PPM1L: variants seen among roughly 807,000 people sequenced by gnomAD.
PPM1L encodes the protein protein phosphatase 1L.
PPM1L carries 13 observed loss-of-function variants against 31.4 expected under a neutral mutation model. The observed-to-expected ratio is 0.41, with a 90% CI of 0.27 to 0.66. The LOEUF (loss-of-function observed/expected upper bound fraction) is 0.66. PPM1L is among the 30% of genes least tolerant of loss of function. The pLI is 0.29. For synonymous variants in PPM1L, 184 were observed against 175.4 expected, an observed-to-expected ratio of 1.05 and a Z score of -0.39; for missense variants, 326 against 453.7, an observed-to-expected ratio of 0.72 and a Z score of 2.56.
chr3:160,772,819 GT>G (rs1175183490), intron 1 of PPM1L, among the ~76,000 whole-genome samples: 12 of 152,094 alleles, frequency 7.9e-5, no homozygotes, highest in African/African-American at 2.9e-4. Flanking sequence ...GAAATATGCA[GT>G]ATGTAGTCTT....
chr3:160,804,211 C>T (rs1316970334), intron 1 of PPM1L, among the ~76,000 whole-genome samples: 1 of 152,034 alleles, frequency 6.6e-6, no homozygotes, highest in Non-Finnish European at 1.5e-5. Context: ...GGATTACAGG[C>T]GTGAGCCACC....
At chr3:160,995,280 G>A (rs1285411198) in intron 2 of PPM1L, among the ~76,000 whole-genome samples, 7 of 152,010 alleles carry the variant, frequency 4.6e-5, no homozygotes, top group African/African-American at 1.7e-4. Context: ...GCAAAGAAAT[G>A]CACCAGTAGC....
chr3:161,002,257 T>C (rs1484492907), intron 2 of PPM1L, among the ~76,000 whole-genome samples: 2 of 152,156 alleles, frequency 1.3e-5, no homozygotes, highest in African/African-American at 4.8e-5. Context: ...TTTGGGTTGG[T>C]TCCAAGTCTT....
At chr3:160,816,659 G>T (rs1303201357) in intron 1 of PPM1L, among the ~76,000 whole-genome samples, 7 of 151,908 alleles carry the variant, frequency 4.6e-5, no homozygotes, top group Non-Finnish European at 1.0e-4. Context: ...AGCTTCTGAT[G>T]AAATATAGGG....
At chr3:160,867,455 T>C (rs1457289563) in intron 1 of PPM1L, among the ~76,000 whole-genome samples, 1 of 151,968 alleles carries the variant, frequency 6.6e-6, no homozygotes, top group Non-Finnish European at 1.5e-5. Flanking sequence ...TCCTCTATAC[T>C]GTTATGGTGT....
chr3:161,039,758 C>T (rs951820022), intron 2 of PPM1L, among the ~76,000 whole-genome samples: 12 of 152,078 alleles, frequency 7.9e-5, no homozygotes, highest in Non-Finnish European at 1.6e-4. Context: ...CCTCGTGATC[C>T]GCCCGCCTCG....
At chr3:160,760,385 ATGC>A (rs1433061632) in intron 1 of PPM1L, among the ~76,000 whole-genome samples, 1 of 152,172 alleles carries the variant, frequency 6.6e-6, no homozygotes, top group Non-Finnish European at 1.5e-5. Flanking sequence ...TGGACTTTTT[ATGC>A]TGAGGACCAG....
chr3:160,848,142 G>A (rs146446023), intron 1 of PPM1L, among the ~76,000 whole-genome samples: 3 of 152,292 alleles, frequency 2.0e-5, no homozygotes, highest in East Asian at 3.9e-4. Flanking sequence ...TTTAATAAAT[G>A]TATTCTGGAA....
chr3:160,843,166 A>G (rs1713944439), intron 1 of PPM1L, among the ~76,000 whole-genome samples: 1 of 151,810 alleles, frequency 6.6e-6, no homozygotes, highest in African/African-American at 2.4e-5. Context: ...AATTGAATTT[A>G]TTTCTTGAAG....
At chr3:161,048,420 T>C (rs1353116236) in intron 2 of PPM1L, among the ~76,000 whole-genome samples, 2 of 152,258 alleles carry the variant, frequency 1.3e-5, no homozygotes, top group East Asian at 3.9e-4. Context: ...CATTAAAAAG[T>C]CAGGAAACAA....
chr3:161,026,077 G>A (rs192076789), intron 2 of PPM1L, among the ~76,000 whole-genome samples: 6 of 152,300 alleles, frequency 3.9e-5, no homozygotes, highest in African/African-American at 1.2e-4. Flanking sequence ...CTAAGGGGAA[G>A]TCCAAAGAAG....
At chr3:161,006,903 C>T (rs571703318) in intron 2 of PPM1L, among the ~76,000 whole-genome samples, 42 of 152,112 alleles carry the variant, frequency 2.8e-4, no homozygotes, top group Non-Finnish European at 5.4e-4. Context: ...AGGATGGTCT[C>T]GATCTCCTGA....
chr3:161,052,874 T>C (rs528562128), intron 2 of PPM1L, among the ~76,000 whole-genome samples: 4 of 152,336 alleles, frequency 2.6e-5, no homozygotes, highest in South Asian at 4.1e-4. Context: ...TTTTCAGCCT[T>C]CTTCTCCCCT....
chr3:161,010,131 C>A (rs1717842653), intron 2 of PPM1L, among the ~76,000 whole-genome samples: 1 of 152,124 alleles, frequency 6.6e-6, no homozygotes, highest in Non-Finnish European at 1.5e-5. Flanking sequence ...TTAGGTATAT[C>A]TCATAATGCT....
chr3:160,838,107 G>T (rs1560121568), intron 1 of PPM1L, among the ~76,000 whole-genome samples: 1 of 152,108 alleles, frequency 6.6e-6, no homozygotes, highest in Non-Finnish European at 1.5e-5. Flanking sequence ...ATTGACCTTA[G>T]TTCATAGATT....
chr3:161,002,260 C>A (rs1014120652), intron 2 of PPM1L, among the ~76,000 whole-genome samples: 1 of 152,094 alleles, frequency 6.6e-6, no homozygotes, highest in Non-Finnish European at 1.5e-5. Context: ...GGGTTGGTTC[C>A]AAGTCTTTGC....
At chr3:160,831,281 A>C (rs1713519359) in intron 1 of PPM1L, among the ~76,000 whole-genome samples, 1 of 152,330 alleles carries the variant, frequency 6.6e-6, no homozygotes, top group Non-Finnish European at 1.5e-5. Context: ...TATGTATCAA[A>C]ATATCAAAAA....
Position 161,055,309 on chromosome 3 carries a change from C to T in PPM1L, c.575-10094C>T, listed in dbSNP as rs186411396. On this transcript the variant is annotated intron_variant, in intron 2 of 3. Coordinates refer to ENST00000498165, the MANE Select transcript of PPM1L (RefSeq NM_139245.4). Reference sequence around the variant, plus strand: ...AGATTATGCAGACAAGAGTAGGGGTCAGGGAGTCTTATCTGAGAGCTGCCG... The same window carrying T: ...AGATTATGCAGACAAGAGTAGGGGTTAGGGAGTCTTATCTGAGAGCTGCCG... Among the ~76,000 whole-genome samples, 201 of 152,144 alleles carry T rather than the reference C, an allele frequency of 1.3e-3. 2 individuals carry two copies. In the Middle Eastern group the frequency reaches 0.031, roughly 23 times the overall value.
chr3:161,037,279 CA>C (rs1718769020), intron 2 of PPM1L, among the ~76,000 whole-genome samples: 2 of 152,198 alleles, frequency 1.3e-5, no homozygotes, highest in African/African-American at 4.8e-5. Flanking sequence ...ATCACATGCT[CA>C]GGGGGAAATC....
Sources: gnomAD v4.1 joint callset for allele counts (sites outside exome capture counted in the v4.1 genomes callset) on GRCh38, gnomAD v4.1.1 for gene constraint, MANE v1.5 for transcripts, NCBI Gene and HGNC (gene_info 2026-07-23, HGNC 2026-07-21) for gene names.